The following NSMCE2 variants were observed in gnomAD, a reference collection of about 807,000 sequenced individuals.
NSMCE2 encodes the protein E3 SUMO-protein ligase NSE2.
In NSMCE2, 24 loss-of-function variants were observed where a neutral mutation model predicts 23.8. The observed-to-expected ratio is 1.01, with a 90% CI of 0.73 to 1.42. NSMCE2 has a LOEUF of 1.42. Ranked by LOEUF, NSMCE2 falls within the 40% of genes most tolerant of loss-of-function variation. The probability of loss-of-function intolerance (pLI) is 0.00; values close to 1 mark genes in which losing one functional copy is unlikely to be tolerated. For missense variants in NSMCE2, 284 were observed against 296.5 expected, an observed-to-expected ratio of 0.96 and a Z score of 0.31; for synonymous variants, 92 against 94.1, an observed-to-expected ratio of 0.98 and a Z score of 0.13.
chr8:125,107,382 C>CG (rs916976394), intron 3 of NSMCE2, among the ~76,000 whole-genome samples: 28 of 151,914 alleles, frequency 1.8e-4, no homozygotes, highest in African/African-American at 6.8e-4. Context: ...TTAGTGGAGA[C>CG]GGGGTTTCAC....
chr8:125,312,090 AAAAG>A (rs1250204508), intron 5 of NSMCE2, among the ~76,000 whole-genome samples: 20 of 148,954 alleles, frequency 1.3e-4, no homozygotes, highest in African/African-American at 2.7e-4. Context: ...AAAAAAAAAA[AAAAG>A]AAAGAAAAGA....
At chr8:125,324,639 A>G (rs1189247463) in intron 5 of NSMCE2, among the ~76,000 whole-genome samples, 5 of 48,682 alleles carry the variant, frequency 1.0e-4, no homozygotes, top group Non-Finnish European at 3.4e-4. Context: ...CAGTGGCGCA[A>G]TCTCGGCTCA....
chr8:125,234,398 G>C (rs1310389743), intron 5 of NSMCE2, among the ~76,000 whole-genome samples: 1 of 152,178 alleles, frequency 6.6e-6, no homozygotes, highest in African/African-American at 2.4e-5. Flanking sequence ...GTGAAAACTA[G>C]GCAGGCTTTT....
intron 5 of NSMCE2, among the ~76,000 whole-genome samples, chr8:125,285,532 T>C (rs1827856927): frequency 6.6e-6 from 1 of 152,102 alleles, no homozygotes; most frequent in Non-Finnish European, 1.5e-5. Context: ...TCTGCTCTAA[T>C]AGGGTTTTGA....
rs561059756 is a variant in NSMCE2 at position 125,267,790 on chromosome 8, G to A, written c.418+85534G>A. Among the ~76,000 whole-genome samples the A allele has an allele frequency of 1.6e-4, 25 of 152,082 alleles. No individual in the cohort carries two copies. In the South Asian group the frequency reaches 3.1e-3, roughly 19 times the overall value. ...GACTCTGTCTCAAAAAATAGTAATCGGTACTTTATCTAATAGGTCATGTTG... is the reference window on the plus strand; with the variant it reads ...GACTCTGTCTCAAAAAATAGTAATCAGTACTTTATCTAATAGGTCATGTTG... On this transcript the variant is annotated intron_variant, in intron 5 of 7. Coordinates refer to ENST00000287437, the MANE Select transcript of NSMCE2 (RefSeq NM_173685.4).
intron 4 of NSMCE2, among the ~76,000 whole-genome samples, chr8:125,166,096 T>C (rs1376136092): frequency 6.6e-6 from 1 of 152,194 alleles, no homozygotes; most frequent in African/African-American, 2.4e-5. Context: ...GCTGTGGACA[T>C]GTGGTATAGT....
intron 4 of NSMCE2, chr8:125,156,244 A>G (rs1821301258): frequency 6.2e-6 from 1 of 160,784 alleles, no homozygotes; most frequent in African/African-American, 2.4e-5. Context: ...TAGTTTTAAG[A>G]CATTTTACCT....
At position 125,357,769 on chromosome 8, in the gene NSMCE2, G is replaced by C; in HGVS notation, c.577G>C (p.Ala193Pro). 1 of 1,614,084 alleles carries C rather than the reference G, an allele frequency of 6.2e-7. No individual in the cohort carries two copies. Among genetic ancestry groups the C allele is most frequent in the Non-Finnish European group, 8.5e-7 (1 of 1,179,962 alleles). Residue 193 changes from alanine to proline, a missense_variant, in exon 7 of 8, where the codon GCC becomes CCC. Physicochemically the swap from Ala to Pro is conservative, Grantham distance 27 (BLOSUM62 -1). Transcript: ENST00000287437. Reference sequence around the variant, plus strand: ...GTGTGGCCACACCTATGAAGAGGACGCCATTGTTCGCATGATTGAGTCCAG... The same window carrying C: ...GTGTGGCCACACCTATGAAGAGGACCCCATTGTTCGCATGATTGAGTCCAG... ...KVCGHTYEED[A>P]IVRMIESRQK...
At chr8:125,132,011 A>C (rs763135652) in intron 3 of NSMCE2, among the ~76,000 whole-genome samples, 1 of 152,220 alleles carries the variant, frequency 6.6e-6, no homozygotes. Context: ...GCATCCTTAG[A>C]GTTTCTCAGG....
intron 3 of NSMCE2, among the ~76,000 whole-genome samples, chr8:125,133,908 A>G (rs1819914271): frequency 6.6e-6 from 1 of 152,198 alleles, no homozygotes; most frequent in Admixed American, 6.5e-5. Context: ...ATCACTAATC[A>G]GAATCACTTG....
intron 5 of NSMCE2, among the ~76,000 whole-genome samples, chr8:125,285,086 G>C (rs992865848): frequency 2.6e-5 from 4 of 152,162 alleles, no homozygotes; most frequent in Admixed American, 1.3e-4. Context: ...GTAGTACAAA[G>C]TATCAGTTGA....
At chr8:125,202,162 T>G (rs1186923004) in intron 5 of NSMCE2, among the ~76,000 whole-genome samples, 1 of 152,234 alleles carries the variant, frequency 6.6e-6, no homozygotes. Flanking sequence ...TCTGGCCCCT[T>G]GCGCTTCCTT....
chr8:125,316,710 CT>C, intron 5 of NSMCE2, among the ~76,000 whole-genome samples: 7 of 52,892 alleles, frequency 1.3e-4, no homozygotes, highest in Non-Finnish European at 2.8e-4. Flanking sequence ...TTCCTTCCTT[CT>C]TTCCTTCTTT....
At chr8:125,185,306 T>TA (rs1310758144) in intron 5 of NSMCE2, among the ~76,000 whole-genome samples, 1 of 133,188 alleles carries the variant, frequency 7.5e-6, no homozygotes, top group Non-Finnish European at 1.7e-5. Flanking sequence ...CATTTTAAAT[T>TA]TTTTTTTTTC....
chr8:125,322,790 A>G (rs1004558763), intron 5 of NSMCE2, among the ~76,000 whole-genome samples: 8 of 152,260 alleles, frequency 5.3e-5, no homozygotes, highest in African/African-American at 1.9e-4. Context: ...AAAAATAATT[A>G]TATTCCTATA....
At chr8:125,197,610 A>G (rs1023522116) in intron 5 of NSMCE2, among the ~76,000 whole-genome samples, 4 of 152,196 alleles carry the variant, frequency 2.6e-5, no homozygotes, top group African/African-American at 7.2e-5. Flanking sequence ...GCCTTGTAGT[A>G]TAGTTCGAAG....
intron 5 of NSMCE2, among the ~76,000 whole-genome samples, chr8:125,221,342 C>T (rs892890413): frequency 1.3e-5 from 2 of 152,250 alleles, no homozygotes; most frequent in African/African-American, 2.4e-5. Context: ...ACTTCCCTCA[C>T]TCAGGTGATC....
At chr8:125,185,216 T>G (rs1823036741) in intron 5 of NSMCE2, among the ~76,000 whole-genome samples, 1 of 152,222 alleles carries the variant, frequency 6.6e-6, no homozygotes, top group South Asian at 2.1e-4. Flanking sequence ...TACACTCTGC[T>G]GGCAGTGCAC....
intron 7 of NSMCE2, among the ~76,000 whole-genome samples, chr8:125,364,272 G>A (rs922392756): frequency 4.6e-5 from 7 of 152,124 alleles, no homozygotes; most frequent in Non-Finnish European, 8.8e-5. Flanking sequence ...AATAAATACT[G>A]TTATTAAGCA....
Sources: allele counts gnomAD v4.1 joint callset (sites outside exome capture counted in the v4.1 genomes callset), GRCh38; gene constraint gnomAD v4.1.1; transcripts MANE v1.5; gene names NCBI Gene and HGNC (gene_info 2026-07-23, HGNC 2026-07-21).